Variants in FILIP1L observed in about 807,000 individuals in gnomAD.
The protein encoded by FILIP1L is filamin A interacting protein 1 like, also known as filamin A-interacting protein 1-like.
Under a neutral mutation model 96.6 loss-of-function variants are expected in FILIP1L, and 55 were observed. The observed-to-expected ratio is 0.57, with a 90% CI of 0.46 to 0.71. The LOEUF (loss-of-function observed/expected upper bound fraction) is 0.71. Among genes scored for constraint, FILIP1L ranks in the 30% least tolerant of loss-of-function variants. FILIP1L has a pLI of 0.00. For synonymous variants in FILIP1L, 467 were observed against 473.9 expected (o/e 0.99, Z 0.19); for missense variants, 1,304 against 1,321.2 (o/e 0.99, Z 0.20).
intron 4 of FILIP1L, among the ~76,000 whole-genome samples, chr3:99,891,560 G>T (rs1181338860): frequency 6.6e-6 from 1 of 151,844 alleles, no homozygotes; most frequent in East Asian, 1.9e-4. Flanking sequence ...ATATGTGTTG[G>T]ATTTTTTGGG....
chr3:100,076,926 T>C (rs1266374215), intron 1 of FILIP1L, among the ~76,000 whole-genome samples: 1 of 152,252 alleles, frequency 6.6e-6, no homozygotes, highest in Non-Finnish European at 1.5e-5. Flanking sequence ...AAAATTACTT[T>C]TCAAATTACA....
intron 1 of FILIP1L, among the ~76,000 whole-genome samples, chr3:100,104,519 A>G (rs1246655967): frequency 6.6e-6 from 1 of 152,218 alleles, no homozygotes; most frequent in African/African-American, 2.4e-5. Flanking sequence ...TTAAAGAACA[A>G]TGGCTTGGAA....
intron 1 of FILIP1L, among the ~76,000 whole-genome samples, chr3:100,056,721 C>T (rs1017542627): frequency 9.9e-5 from 15 of 151,778 alleles, no homozygotes; most frequent in African/African-American, 2.2e-4. Context: ...AAAATGGGGC[C>T]GGGCGCGGTG....
At chr3:100,021,981 GAGAGA>G (rs2064833452) in intron 1 of FILIP1L, among the ~76,000 whole-genome samples, 1 of 149,036 alleles carries the variant, frequency 6.7e-6, no homozygotes, top group East Asian at 2.0e-4. Flanking sequence ...GAGAGAGAGA[GAGAGA>G]GAGAGAGATA....
chr3:100,088,654 TTC>T (rs2066053230), intron 1 of FILIP1L, among the ~76,000 whole-genome samples: 1 of 152,122 alleles, frequency 6.6e-6, no homozygotes. Flanking sequence ...CTCTGCAGTT[TTC>T]TCTCTCTTCT....
chr3:99,843,094 CTT>C (rs1164880314), intron 5 of FILIP1L, among the ~76,000 whole-genome samples: 1 of 152,242 alleles, frequency 6.6e-6, no homozygotes, highest in Admixed American at 6.5e-5. Flanking sequence ...TAGTAAACTA[CTT>C]GTCTTCCTTG....
intron 1 of FILIP1L, among the ~76,000 whole-genome samples, chr3:100,107,334 G>T (rs902364476): frequency 3.3e-5 from 5 of 152,142 alleles, no homozygotes; most frequent in Non-Finnish European, 5.9e-5. Flanking sequence ...ATGACAAAGT[G>T]CATGTGGGTT....
intron 1 of FILIP1L, among the ~76,000 whole-genome samples, chr3:100,010,778 A>ATTTTTTT (rs11371196): frequency 2.6e-4 from 24 of 93,662 alleles, no homozygotes; most frequent in South Asian, 4.0e-4. Flanking sequence ...CCACGCCCGG[A>ATTTTTTT]TTTTTTTTTT....
chr3:99,962,539 A>G (rs983065627), intron 1 of FILIP1L, among the ~76,000 whole-genome samples: 2 of 152,184 alleles, frequency 1.3e-5, no homozygotes, highest in African/African-American at 4.8e-5. Flanking sequence ...TGTTTGGAGA[A>G]AGAAGAGGAA....
chr3:99,886,261 G>A (rs1001524301), intron 4 of FILIP1L, among the ~76,000 whole-genome samples: 14 of 56,110 alleles, frequency 2.5e-4, no homozygotes, highest in Non-Finnish European at 4.9e-4. Flanking sequence ...TGAGTGTAAA[G>A]CAGGGATGTT....
intron 4 of FILIP1L, among the ~76,000 whole-genome samples, chr3:99,904,339 A>C (rs1706541024): frequency 6.6e-6 from 1 of 152,222 alleles, no homozygotes; most frequent in African/African-American, 2.4e-5. Flanking sequence ...ATTGCTATCC[A>C]ATCAAGTATT....
At chr3:100,100,495 A>G (rs2066285758) in intron 1 of FILIP1L, among the ~76,000 whole-genome samples, 1 of 152,182 alleles carries the variant, frequency 6.6e-6, no homozygotes, top group Non-Finnish European at 1.5e-5. Flanking sequence ...GCAAGTCCAC[A>G]TTTGAATCAT....
At chr3:99,954,834 A>G (rs1708274329) in intron 1 of FILIP1L, among the ~76,000 whole-genome samples, 1 of 151,834 alleles carries the variant, frequency 6.6e-6, no homozygotes, top group Non-Finnish European at 1.5e-5. Context: ...TCAAAAAAAA[A>G]GAAAAAAAAA....
chr3:99,860,875 A>AT (rs1944215619), intron 4 of FILIP1L, among the ~76,000 whole-genome samples: 1 of 152,168 alleles, frequency 6.6e-6, no homozygotes, highest in African/African-American at 2.4e-5. Flanking sequence ...TGTTCATTTA[A>AT]TACCGTGAAT....
At chr3:99,988,701 A>G (rs1368506642) in intron 1 of FILIP1L, among the ~76,000 whole-genome samples, 1 of 152,162 alleles carries the variant, frequency 6.6e-6, no homozygotes, top group African/African-American at 2.4e-5. Context: ...AACCCTTTCT[A>G]TTTGTTTCCT....
At chr3:99,847,015 G>A (rs1264858911) in intron 5 of FILIP1L, among the ~76,000 whole-genome samples, 1 of 152,190 alleles carries the variant, frequency 6.6e-6, no homozygotes, top group Non-Finnish European at 1.5e-5. Flanking sequence ...GGACTCCCAT[G>A]AGGCAGATAT....
At chr3:100,091,199 G>A (rs139287398) in intron 1 of FILIP1L, among the ~76,000 whole-genome samples, 133 of 151,788 alleles carry the variant, frequency 8.8e-4, no homozygotes, top group African/African-American at 3.1e-3. Context: ...GCAGGAGAAT[G>A]GCGTGAACCT....
intron 1 of FILIP1L, among the ~76,000 whole-genome samples, chr3:100,077,431 G>A (rs1460983164): frequency 6.6e-6 from 1 of 152,164 alleles, no homozygotes; most frequent in Non-Finnish European, 1.5e-5. Flanking sequence ...CAAAAAAGGT[G>A]GTTAGCTATT....
chr3:100,069,662 G>A (rs1316758618), intron 1 of FILIP1L, among the ~76,000 whole-genome samples: 1 of 152,044 alleles, frequency 6.6e-6, no homozygotes, highest in Non-Finnish European at 1.5e-5. Flanking sequence ...ATAGTTTCCT[G>A]GCATTGCCTA....
Sources: gnomAD v4.1 joint callset for allele counts (sites outside exome capture counted in the v4.1 genomes callset) on GRCh38, gnomAD v4.1.1 for gene constraint, MANE v1.5 for transcripts, NCBI Gene and HGNC (gene_info 2026-07-23, HGNC 2026-07-21) for gene names.